Variants in IMPG1 observed in about 807,000 individuals in gnomAD.
The protein encoded by IMPG1 is interphotoreceptor matrix proteoglycan 1.
A neutral mutation model predicts 92.0 loss-of-function variants in IMPG1; 85 were observed. The observed-to-expected ratio is 0.92, with a 90% CI of 0.78 to 1.11. The LOEUF (loss-of-function observed/expected upper bound fraction) is 1.11, where lower values mean the gene tolerates loss of function less well. Among genes scored for constraint, IMPG1 ranks in the 50% least tolerant of loss-of-function variants. The pLI, the probability that IMPG1 is intolerant of heterozygous loss-of-function variation, is 0.00. For synonymous variants in IMPG1, 367 were observed against 334.1 expected (o/e 1.10, Z -1.08); for missense variants, 1,022 against 956.0 (o/e 1.07, Z -0.91).
rs184320104 is a variant in IMPG1 at position 75,987,600 on chromosome 6, T to C, written c.1291+15318A>G. Among the ~76,000 whole-genome samples, 1,082 of 151,718 alleles carry C rather than the reference T, an allele frequency of 7.1e-3. 15 individuals carry two copies. The highest frequency in any genetic ancestry group is 0.025 in the African/African-American group (1,022 of 41,370). On this transcript the variant is annotated intron_variant, in intron 12 of 16. Transcript: ENST00000369950. ...CTTGGCGATAGTTTGCTCAGAATGA[T>C]GGTTTCTAGCTTTATCCATGTCCCT... is the stretch of plus-strand genomic sequence containing the variant.
chr6:75,977,518 C>T (rs1782558436), intron 12 of IMPG1, among the ~76,000 whole-genome samples: 4 of 149,844 alleles, frequency 2.7e-5, no homozygotes, highest in South Asian at 4.2e-4. Context: ...ACCCAGGAGG[C>T]AGAAGTTGTG....
chr6:76,030,553 G>A (rs115989036), intron 4 of IMPG1, among the ~76,000 whole-genome samples: 1,677 of 152,212 alleles, frequency 0.011, 36 homozygotes, highest in African/African-American at 0.039. Flanking sequence ...AAACTGGAAA[G>A]AGTTAATTTC....
chr6:75,974,880 C>G (rs1782509647), intron 12 of IMPG1, among the ~76,000 whole-genome samples: 1 of 152,132 alleles, frequency 6.6e-6, no homozygotes, highest in Admixed American at 6.5e-5. Context: ...ATTTAAAAGT[C>G]AAAGATAAAT....
chr6:76,046,022 T>A (rs991603708), intron 1 of IMPG1, among the ~76,000 whole-genome samples: 1 of 152,016 alleles, frequency 6.6e-6, no homozygotes, highest in Non-Finnish European at 1.5e-5. Flanking sequence ...TGATGATGAA[T>A]TGGCTGCCAT....
Position 76,007,548 on chromosome 6 carries a change from TA to T in IMPG1, c.867-49del, listed in dbSNP as rs781182346. ...GAAACATGAAAAAGAGAAAAAAATT[TA>T]ATGACATTTATTGAGACATTCAATG... On this transcript the variant is annotated intron_variant, in intron 8 of 16. Transcript: ENST00000369950. 1.8e-5 allele frequency: 24 copies of T among 1,344,120 alleles called. No individual in the cohort carries two copies. In the South Asian group the frequency reaches 3.1e-4, roughly 17 times the overall value. The allele number at this position is 1,344,120 out of a possible 1,614,324, so 83.3% of individuals were successfully genotyped here. A position where few individuals can be genotyped will look rare whatever the true frequency, so the allele number is the denominator to read the frequency against.
At position 76,002,940 on chromosome 6, in the gene IMPG1, G is replaced by GC; in HGVS notation, c.1268_1269insG (p.Asp423GlufsTer9). ...TACCAGGTAGACCATGCTCTGCTCCGTCCACTGTCTCAAGCTGGGGTTCAA... is the reference window on the plus strand; with the variant it reads ...TACCAGGTAGACCATGCTCTGCTCCGCTCCACTGTCTCAAGCTGGGGTTCAA... On this transcript the variant is annotated frameshift_variant, in exon 12 of 17. Coordinates refer to ENST00000369950, the MANE Select transcript of IMPG1 (RefSeq NM_001563.4). LOFTEE classifies it high-confidence loss of function. 1 of 1,613,386 alleles carries GC rather than the reference G, an allele frequency of 6.2e-7. No homozygotes were observed. The highest frequency in any genetic ancestry group is 1.3e-5 in the African/African-American group (1 of 75,014).
chr6:76,059,473 T>C (rs1201950385), intron 1 of IMPG1, among the ~76,000 whole-genome samples: 1 of 152,152 alleles, frequency 6.6e-6, no homozygotes, highest in Non-Finnish European at 1.5e-5. Context: ...CTGAAGGATC[T>C]GACCAGCTAT....
chr6:76,041,828 A>T, intron 2 of IMPG1, 65 bp downstream of exon 2: 1 of 1,079,636 alleles, frequency 9.3e-7, no homozygotes, highest in Non-Finnish European at 1.4e-6. Context: ...AAGACAACCT[A>T]TGGATGAATG....
chr6:76,002,240 A>G (rs759308415), intron 12 of IMPG1, among the ~76,000 whole-genome samples: 1 of 152,142 alleles, frequency 6.6e-6, no homozygotes, highest in Non-Finnish European at 1.5e-5. Flanking sequence ...TTTTGCACTA[A>G]AAAAGGCTCT....
chr6:76,007,533 A>G, intron 8 of IMPG1, 33 bp from the exon 9 acceptor site: 1 of 1,504,626 alleles, frequency 6.6e-7, no homozygotes, highest in Non-Finnish European at 9.1e-7. Flanking sequence ...GAAACATGAA[A>G]AAGAGAAAAA....
chr6:75,972,865 AG>A (rs1782446089), intron 12 of IMPG1, among the ~76,000 whole-genome samples: 1 of 152,362 alleles, frequency 6.6e-6, no homozygotes, highest in South Asian at 2.1e-4. Flanking sequence ...TGAGGCTTAA[AG>A]TCAAGGACTG....
chr6:75,943,595 C>G (rs185900571), intron 14 of IMPG1, among the ~76,000 whole-genome samples: 23 of 152,330 alleles, frequency 1.5e-4, no homozygotes, highest in Admixed American at 3.3e-4. Context: ...AATTATCCAG[C>G]CTCAGGTATT....
intron 14 of IMPG1, among the ~76,000 whole-genome samples, chr6:75,939,255 T>G (rs1460918937): frequency 6.6e-6 from 1 of 152,190 alleles, no homozygotes; most frequent in Non-Finnish European, 1.5e-5. Flanking sequence ...ACGTGCAGGT[T>G]TGTTACATAT....
intron 12 of IMPG1, among the ~76,000 whole-genome samples, chr6:75,959,679 T>C (rs780015312): frequency 1.3e-5 from 2 of 152,138 alleles, no homozygotes; most frequent in Non-Finnish European, 2.9e-5. Flanking sequence ...GAAAACTGCC[T>C]ACTCATGCCT....
At chr6:75,985,066 T>A (rs1782690736) in intron 12 of IMPG1, among the ~76,000 whole-genome samples, 2 of 152,216 alleles carry the variant, frequency 1.3e-5, no homozygotes, top group African/African-American at 4.8e-5. Context: ...TAACACAATG[T>A]TGCACACAAT....
intron 12 of IMPG1, among the ~76,000 whole-genome samples, chr6:75,962,188 C>T (rs925156620): frequency 7.2e-5 from 11 of 151,942 alleles, no homozygotes; most frequent in South Asian, 2.1e-4. Flanking sequence ...GGCATGATCA[C>T]GGCTCACTGC....
chr6:76,025,088 G>A (rs983179497), intron 5 of IMPG1, 106 bp downstream of exon 5: 4 of 724,570 alleles, frequency 5.5e-6, no homozygotes, highest in African/African-American at 5.4e-5. Context: ...TTTTGAGAAA[G>A]TACATTATAA....
At chr6:76,054,100 A>T (rs1784083373) in intron 1 of IMPG1, among the ~76,000 whole-genome samples, 1 of 152,174 alleles carries the variant, frequency 6.6e-6, no homozygotes, top group African/African-American at 2.4e-5. Context: ...GCAAATAATT[A>T]ATTTCTATTT....
chr6:76,027,266 G>A (rs952182953), intron 4 of IMPG1, among the ~76,000 whole-genome samples: 1 of 152,172 alleles, frequency 6.6e-6, no homozygotes, highest in African/African-American at 2.4e-5. Flanking sequence ...TGCTTTTTGG[G>A]TTTTGAGAAC....
Sources: gnomAD v4.1 joint callset for allele counts (sites outside exome capture counted in the v4.1 genomes callset) on GRCh38, gnomAD v4.1.1 for gene constraint, MANE v1.5 for transcripts, NCBI Gene and HGNC (gene_info 2026-07-23, HGNC 2026-07-21) for gene names.